CCDC50: variants seen among roughly 807,000 people sequenced by gnomAD.
CCDC50 encodes coiled-coil domain-containing protein 50.
In CCDC50, 54 loss-of-function variants were observed where a neutral mutation model predicts 70.2. The observed-to-expected ratio is 0.77, with a 90% confidence interval of 0.62 to 0.96. CCDC50 has a LOEUF of 0.96. CCDC50 is among the 50% of genes least tolerant of loss of function. The pLI is 0.00. For missense variants in CCDC50, 558 were observed against 578.7 expected, an observed-to-expected ratio of 0.96 and a Z score of 0.37; for synonymous variants, 216 against 198.8, an observed-to-expected ratio of 1.09 and a Z score of -0.73.
chr3:191,375,443 C>G lies in CCDC50; in HGVS notation c.830C>G (p.Pro277Arg). ...KQSRHQDRLS[P>R]KSSQKAGLHC... ...TCTCGACACCAAGATCGACTTTCACCCAAGTCCTCACAAAAAGCAGGGCTT... is the reference window on the plus strand; with the variant it reads ...TCTCGACACCAAGATCGACTTTCACGCAAGTCCTCACAAAAAGCAGGGCTT... The change falls in exon 6 of 12, where the codon CCC becomes CGC. Residue 277 changes from proline (P) to arginine (R), a missense_variant. Physicochemically the swap from Pro to Arg is moderately radical, Grantham distance 103 (BLOSUM62 -2). Transcript: ENST00000392455. 1 of 1,613,672 alleles carries G rather than the reference C, an allele frequency of 6.2e-7. No individual in the cohort carries two copies.
At chr3:191,346,484 AGCCCTAGACTCT>A (rs1396420702) in intron 1 of CCDC50, among the ~76,000 whole-genome samples, 1 of 152,220 alleles carries the variant, frequency 6.6e-6, no homozygotes, top group Non-Finnish European at 1.5e-5. Flanking sequence ...GCATAAGATC[AGCCCTAGACTCT>A]GCCTGTAACA....
chr3:191,373,124 A>G (rs978297237), intron 5 of CCDC50, among the ~76,000 whole-genome samples: 2 of 152,124 alleles, frequency 1.3e-5, no homozygotes, highest in Admixed American at 6.6e-5. Context: ...ATGCCAATAC[A>G]TAATACCTAT....
chr3:191,329,745 C>G, intron 1 of CCDC50, 22 bp downstream of exon 1: 1 of 1,601,996 alleles, frequency 6.2e-7, no homozygotes, highest in Non-Finnish European at 8.5e-7. Context: ...GGAGGGAGAG[C>G]GCGCGGGACC....
intron 1 of CCDC50, among the ~76,000 whole-genome samples, chr3:191,348,721 C>T (rs1477017478): frequency 1.4e-5 from 2 of 142,058 alleles, no homozygotes; most frequent in African/African-American, 5.0e-5. Context: ...GAAGATGGAA[C>T]ACCTATGTAG....
chr3:191,357,078 T>C lies in CCDC50; in HGVS notation c.50-10T>C. ...AGCCTTCCTGTCTGTTTTTCCTCCA[T>C]CTACTCTAGTATGCCGAGATTTTGC... On this transcript the variant is annotated splice_polypyrimidine_tract_variant and intron_variant, in intron 1 of 11. Transcript: ENST00000392455. 6.3e-7 allele frequency: 1 copy of C among 1,593,964 alleles called. No homozygotes were observed. Among genetic ancestry groups the C allele is most frequent in the Non-Finnish European group, 8.6e-7 (1 of 1,162,406 alleles).
chr3:191,367,931 C>T (rs1712754541), intron 4 of CCDC50, among the ~76,000 whole-genome samples: 1 of 151,992 alleles, frequency 6.6e-6, no homozygotes, highest in Admixed American at 6.6e-5. Context: ...TGTCCCGTTC[C>T]TCTCTTCCTG....
At chr3:191,379,542 T>C (rs1232560056) in intron 6 of CCDC50, among the ~76,000 whole-genome samples, 1 of 152,112 alleles carries the variant, frequency 6.6e-6, no homozygotes, top group East Asian at 1.9e-4. Context: ...TCTGATTATA[T>C]TTTCCCTAAG....
intron 5 of CCDC50, 37 bp from the exon 6 acceptor site, chr3:191,375,025 G>C: frequency 4.4e-6 from 7 of 1,604,706 alleles, no homozygotes; most frequent in Non-Finnish European, 6.0e-6. Flanking sequence ...AAATTAATCT[G>C]CATTTTTATT....
rs1713853765 is a variant in CCDC50 at position 191,396,216 on chromosome 3, T to C, written c.*4456T>C. The stretch of plus-strand genomic sequence containing the variant: ...TGCCAGCACTGTTTGTGAGGAGCAG[T>C]ACTGCCTTAAATTAGTTTGACTCTG... On this transcript the variant is annotated 3_prime_UTR_variant, in exon 12 of 12. Transcript: ENST00000392455. 1 of 152,222 alleles carries C rather than the reference T, an allele frequency of 6.6e-6. No homozygotes were observed. The highest frequency in any genetic ancestry group is 1.5e-5 in the Non-Finnish European group (1 of 68,016). The allele number at this position is 152,222 out of a possible 1,614,324, so 9.4% of individuals were successfully genotyped here.
intron 1 of CCDC50, among the ~76,000 whole-genome samples, chr3:191,339,476 C>T (rs1248398643): frequency 6.6e-6 from 1 of 152,194 alleles, no homozygotes; most frequent in Non-Finnish European, 1.5e-5. Context: ...TAGATACAGG[C>T]TGCCCCTGAT....
At chr3:191,381,914 G>A (rs1051660334) in intron 9 of CCDC50, among the ~76,000 whole-genome samples, 5 of 152,108 alleles carry the variant, frequency 3.3e-5, no homozygotes, top group Admixed American at 3.3e-4. Flanking sequence ...TAGTATTGCT[G>A]TACTCTTTCC....
At chr3:191,342,759 G>T (rs1711775865) in intron 1 of CCDC50, among the ~76,000 whole-genome samples, 1 of 152,188 alleles carries the variant, frequency 6.6e-6, no homozygotes. Context: ...TTTCTTTAGG[G>T]ATACATGGAA....
At chr3:191,370,738 A>G (rs1712884508) in intron 5 of CCDC50, among the ~76,000 whole-genome samples, 1 of 151,804 alleles carries the variant, frequency 6.6e-6, no homozygotes, top group African/African-American at 2.4e-5. Context: ...ATCCGCCCAC[A>G]TCAGCCTCCC....
At chr3:191,388,505 G>A (rs1713574706) in intron 10 of CCDC50, among the ~76,000 whole-genome samples, 1 of 152,148 alleles carries the variant, frequency 6.6e-6, no homozygotes, top group South Asian at 2.1e-4. Flanking sequence ...TGTAGAACCT[G>A]TAGCATGGTC....
At chr3:191,347,645 G>T (rs533504397) in intron 1 of CCDC50, among the ~76,000 whole-genome samples, 2 of 142,094 alleles carry the variant, frequency 1.4e-5, no homozygotes, top group South Asian at 4.4e-4. Context: ...AAGAAACCAA[G>T]AATTGACCAC....
At chr3:191,390,232 A>G (rs187489906) in intron 11 of CCDC50, among the ~76,000 whole-genome samples, 2 of 152,120 alleles carry the variant, frequency 1.3e-5, no homozygotes, top group East Asian at 3.9e-4. Context: ...CTTGTTTCCT[A>G]TCTGCCCATG....
rs766303798 is a variant in CCDC50, at chr3:191,380,877, C to T, written c.1187C>T (p.Ala396Val). The T allele has an allele frequency of 6.2e-7, 1 of 1,612,824 alleles. No homozygotes were observed. Among genetic ancestry groups the T allele is most frequent in the South Asian group, 1.1e-5 (1 of 91,024 alleles). The stretch of plus-strand genomic sequence containing the variant: ...GAAGAAAAGAAAGCTTACAAAAAAG[C>T]CAAGGAGCGGGAGAAATCATCTTTG... ...MAEEKKAYKK[A>V]KEREKSSLDK... Residue 396 changes from alanine to valine, a missense_variant, in exon 9 of 12, where the codon GCC (alanine) becomes GTC (valine). Ala to Val is a moderately conservative substitution (Grantham distance 64). Transcript: ENST00000392455.
chr3:191,388,481 A>G (rs1424149057), intron 10 of CCDC50, among the ~76,000 whole-genome samples: 1 of 152,200 alleles, frequency 6.6e-6, no homozygotes, highest in African/African-American at 2.4e-5. Context: ...CTGAAAGTTA[A>G]TTGAGATAAT....
chr3:191,366,419 C>T (rs1450072461), intron 4 of CCDC50, among the ~76,000 whole-genome samples: 1 of 152,048 alleles, frequency 6.6e-6, no homozygotes, highest in Non-Finnish European at 1.5e-5. Context: ...AGGTGAGATA[C>T]AATGGTAAAC....
Sources: allele counts gnomAD v4.1 joint callset (sites outside exome capture counted in the v4.1 genomes callset), GRCh38; gene constraint gnomAD v4.1.1; transcripts MANE v1.5; gene names NCBI Gene and HGNC (gene_info 2026-07-23, HGNC 2026-07-21).